PEX5L: variants seen among roughly 807,000 people sequenced by gnomAD.
PEX5L encodes peroxisomal biogenesis factor 5 like, also known as PEX5-related protein.
In PEX5L, 30 loss-of-function variants were observed where a neutral mutation model predicts 84.0. The ratio of observed to expected loss-of-function variants is 0.36; its 90% CI spans 0.27 to 0.48. PEX5L has a LOEUF of 0.48. Ranked by LOEUF, PEX5L falls within the 20% of genes least tolerant of loss-of-function variation. The pLI, the probability that PEX5L is intolerant of heterozygous loss-of-function variation, is 0.99. For synonymous variants in PEX5L, 270 were observed against 283.1 expected (o/e 0.95, Z 0.46); for missense variants, 533 against 754.6 (o/e 0.71, Z 3.44).
chr3:179,844,431 T>A (rs1318833348), intron 8 of PEX5L, among the ~76,000 whole-genome samples: 2 of 152,214 alleles, frequency 1.3e-5, no homozygotes. Context: ...CTATTCATGA[T>A]AGGTGGGAAG....
At chr3:179,966,106 TC>T (rs1285809764) in intron 2 of PEX5L, among the ~76,000 whole-genome samples, 1 of 152,190 alleles carries the variant, frequency 6.6e-6, no homozygotes, top group Non-Finnish European at 1.5e-5. Flanking sequence ...CAATTATTTT[TC>T]ATCGATCAAT....
At position 179,807,556 on chromosome 3, in the gene PEX5L, C is replaced by T. The variant is rs1433995283; in HGVS notation, c.1676+118G>A. On this transcript the variant is annotated intron_variant, in intron 14 of 14. Transcript: ENST00000467460. ...CTGAAGGCTCCACATTCACCCTTAA[C>T]GGCAGGAGGAGGAATACTCCTACCA... 65 of 909,490 alleles carry T rather than the reference C, an allele frequency of 7.1e-5. No individual in the cohort carries two copies. In the East Asian group the frequency reaches 1.5e-3, roughly 21 times the overall value. 56.3% of individuals were successfully genotyped at this position (909,490 alleles called of 1,614,324 possible).
At position 179,808,253 on chromosome 3, in the gene PEX5L, C is replaced by T. The variant is rs1221560498; in HGVS notation, c.1518+19G>A. ...TTACAGAGAACGCTGTGGTTTCTTG[C>T]TGTGCTGTGCTGTCTTACCTCTGGC... is the stretch of plus-strand genomic sequence containing the variant. On this transcript the variant is annotated intron_variant, in intron 13 of 14. Coordinates refer to ENST00000467460, the MANE Select transcript of PEX5L (RefSeq NM_016559.3). The T allele has an allele frequency of 1.3e-5, 20 of 1,517,570 alleles. No homozygotes were observed. Among genetic ancestry groups the T allele is most frequent in the Non-Finnish European group, 1.8e-5 (20 of 1,132,670 alleles). The allele number at this position is 1,517,570 out of a possible 1,614,324, so 94.0% of individuals were successfully genotyped here.
At chr3:180,013,564 G>C (rs1051795227) in intron 1 of PEX5L, among the ~76,000 whole-genome samples, 1 of 152,080 alleles carries the variant, frequency 6.6e-6, no homozygotes, top group African/African-American at 2.4e-5. Context: ...TCTATCTGGT[G>C]TCTTCAACTA....
In PEX5L at chr3:179,800,034, C is replaced by A. The variant is rs1718396940; in HGVS notation, c.*1794G>T. The A allele has an allele frequency of 6.6e-6, 1 of 152,162 alleles. No individual in the cohort carries two copies. The highest frequency in any genetic ancestry group is 6.5e-5 in the Admixed American group (1 of 15,278). The allele number at this position is 152,162 out of a possible 1,614,324, so 9.4% of individuals were successfully genotyped here. ...CCTCACAGTGGCCTCAGCTTTTTGT[C>A]TTTATAAACTAGAATAGGTTATAAC... On this transcript the variant is annotated 3_prime_UTR_variant, in exon 15 of 15. Coordinates refer to ENST00000467460, the MANE Select transcript of PEX5L (RefSeq NM_016559.3).
intron 1 of PEX5L, among the ~76,000 whole-genome samples, chr3:180,034,566 T>C (rs1306737573): frequency 2.0e-5 from 3 of 152,118 alleles, no homozygotes; most frequent in Non-Finnish European, 4.4e-5. Flanking sequence ...AGGTATTTTT[T>C]TGTTGGGGGG....
At chr3:179,855,280 T>A (rs1309614333) in intron 8 of PEX5L, among the ~76,000 whole-genome samples, 1 of 152,134 alleles carries the variant, frequency 6.6e-6, no homozygotes, top group African/African-American at 2.4e-5. Context: ...AAGGCAGAGA[T>A]TTTGGAAAAA....
At chr3:179,897,979 T>A (rs1759920134) in intron 3 of PEX5L, among the ~76,000 whole-genome samples, 163 bp downstream of exon 3, 1 of 152,224 alleles carries the variant, frequency 6.6e-6, no homozygotes, top group Admixed American at 6.5e-5. Context: ...TTTCTTTTTT[T>A]AGCAATTTTG....
chr3:179,875,275 A>C, intron 6 of PEX5L, 79 bp downstream of exon 6: 1 of 1,379,946 alleles, frequency 7.2e-7, no homozygotes, highest in East Asian at 2.3e-5. Context: ...ATTTGGATTG[A>C]CTTAACTCTT....
intron 3 of PEX5L, among the ~76,000 whole-genome samples, chr3:179,889,489 A>G (rs934220973): frequency 2.6e-5 from 4 of 152,184 alleles, no homozygotes; most frequent in African/African-American, 9.6e-5. Flanking sequence ...ATTTTTATAC[A>G]TATTAATTTG....
intron 2 of PEX5L, among the ~76,000 whole-genome samples, chr3:179,938,101 T>C (rs1242025967): frequency 1.3e-5 from 2 of 152,052 alleles, no homozygotes; most frequent in African/African-American, 4.8e-5. Context: ...CTAAATATTA[T>C]AAAAATGGAT....
chr3:179,852,184 A>T (rs1303206037), intron 8 of PEX5L, among the ~76,000 whole-genome samples: 1 of 152,170 alleles, frequency 6.6e-6, no homozygotes, highest in Non-Finnish European at 1.5e-5. Flanking sequence ...GGTGGAATTA[A>T]GCTGCTGGCT....
intron 2 of PEX5L, among the ~76,000 whole-genome samples, chr3:179,915,257 C>T (rs1162530277): frequency 3.3e-5 from 5 of 152,074 alleles, no homozygotes; most frequent in Non-Finnish European, 7.4e-5. Flanking sequence ...AGTTAGCATC[C>T]CCAGAATCCA....
chr3:180,006,336 GT>G (rs1376300575), intron 1 of PEX5L, among the ~76,000 whole-genome samples: 1 of 143,660 alleles, frequency 7.0e-6, no homozygotes, highest in Non-Finnish European at 1.5e-5. Context: ...CCCTGAAGTA[GT>G]GAAAAAAAAA....
chr3:179,969,038 G>A (rs1784099829), intron 2 of PEX5L, among the ~76,000 whole-genome samples: 1 of 150,778 alleles, frequency 6.6e-6, no homozygotes, highest in African/African-American at 2.4e-5. Flanking sequence ...AAGACTGTAG[G>A]CTTTCCGTGG....
At chr3:179,905,732 G>A (rs1306573794) in intron 2 of PEX5L, among the ~76,000 whole-genome samples, 3 of 152,014 alleles carry the variant, frequency 2.0e-5, no homozygotes, top group African/African-American at 4.8e-5. Flanking sequence ...AGTTGTGCCT[G>A]CAGACTAAGC....
chr3:179,844,308 G>A (rs1304659055), intron 8 of PEX5L, among the ~76,000 whole-genome samples: 2 of 152,178 alleles, frequency 1.3e-5, no homozygotes, highest in African/African-American at 2.4e-5. Context: ...CTTCCCTGAT[G>A]AAAGAAATAA....
intron 2 of PEX5L, among the ~76,000 whole-genome samples, chr3:179,964,210 T>G (rs1441003702): frequency 6.6e-6 from 1 of 152,130 alleles, no homozygotes; most frequent in Non-Finnish European, 1.5e-5. Flanking sequence ...AATGTCCATA[T>G]GTAATTGATG....
rs1718883902 is a variant in PEX5L, at chr3:179,801,648, T to G, written c.*180A>C. 1.7e-6 allele frequency: 1 copy of G among 595,922 alleles called. No homozygotes were observed. Among genetic ancestry groups the G allele is most frequent in the South Asian group, 2.1e-5 (1 of 46,858 alleles). The allele number at this position is 595,922 out of a possible 1,614,324, so 36.9% of individuals were successfully genotyped here. A position where few individuals can be genotyped will look rare whatever the true frequency, so the allele number is the denominator to read the frequency against. On this transcript the variant is annotated 3_prime_UTR_variant, in exon 15 of 15. Transcript: ENST00000467460. Reference sequence around the variant, plus strand: ...GACTTTGACTCTATATACAACATTTTGTGCTTTTGGATCTGAACAGAGACT... The same window carrying G: ...GACTTTGACTCTATATACAACATTTGGTGCTTTTGGATCTGAACAGAGACT...
Sources: allele counts gnomAD v4.1 joint callset (sites outside exome capture counted in the v4.1 genomes callset), GRCh38; gene constraint gnomAD v4.1.1; transcripts MANE v1.5; gene names NCBI Gene and HGNC (gene_info 2026-07-23, HGNC 2026-07-21).